KDELR2: variants seen among roughly 807,000 people sequenced by gnomAD.
The protein encoded by KDELR2 is KDEL endoplasmic reticulum protein retention receptor 2.
Under a neutral mutation model 23.9 loss-of-function variants are expected in KDELR2, and 15 were observed. The observed-to-expected ratio is 0.63, with a 90% confidence interval of 0.42 to 0.97. The LOEUF (loss-of-function observed/expected upper bound fraction) is 0.97, where lower values mean the gene tolerates loss of function less well. KDELR2 is among the 50% of genes least tolerant of loss of function. The pLI is 0.00. For synonymous variants in KDELR2, 119 were observed against 106.2 expected, an observed-to-expected ratio of 1.12 and a Z score of -0.74; for missense variants, 272 against 254.6, an observed-to-expected ratio of 1.07 and a Z score of -0.46.
At chr7:6,469,314 G>A (rs1562499486) in intron 3 of KDELR2, among the ~76,000 whole-genome samples, 1 of 151,968 alleles carries the variant, frequency 6.6e-6, no homozygotes, top group Non-Finnish European at 1.5e-5. Context: ...GGAGTACAAT[G>A]GCGTGATCTC....
chr7:6,473,010 C>T (rs779499818), intron 2 of KDELR2, among the ~76,000 whole-genome samples: 30 of 149,002 alleles, frequency 2.0e-4, no homozygotes, highest in East Asian at 1.4e-3. Context: ...AGGGCTCAAG[C>T]GATCCTACCA....
At chr7:6,469,004 T>G (rs1005586969) in intron 3 of KDELR2, among the ~76,000 whole-genome samples, 1 of 149,998 alleles carries the variant, frequency 6.7e-6, no homozygotes, top group East Asian at 2.0e-4. Flanking sequence ...CAGGCTGGAG[T>G]GTAGTGGCAC....
chr7:6,466,439 T>C, intron 3 of KDELR2, 116 bp from the exon 4 acceptor site: 1 of 1,310,744 alleles, frequency 7.6e-7, no homozygotes, highest in South Asian at 1.4e-5. Flanking sequence ...GTGGGGCATG[T>C]CGGCCCAAAA....
At chr7:6,478,857 C>T (rs1245270286) in intron 1 of KDELR2, among the ~76,000 whole-genome samples, 1 of 151,998 alleles carries the variant, frequency 6.6e-6, no homozygotes. Context: ...GGTGCGATCT[C>T]GGCTCACTGC....
chr7:6,469,931 G>T, intron 2 of KDELR2, 177 bp from the exon 3 acceptor site: 1 of 505,372 alleles, frequency 2.0e-6, no homozygotes, highest in South Asian at 3.2e-5. Flanking sequence ...TCAGTTCTGA[G>T]GCATAACCAC....
At chr7:6,472,419 C>T (rs6959558) in intron 2 of KDELR2, among the ~76,000 whole-genome samples, 135,673 of 152,194 alleles carry the variant, frequency 0.89, 60,944 homozygotes, top group Non-Finnish European at 0.92. Context: ...TTCAGGACAT[C>T]GTGCTTAGAA....
chr7:6,482,949 T>C (rs540904922), intron 1 of KDELR2, among the ~76,000 whole-genome samples: 26 of 150,376 alleles, frequency 1.7e-4, no homozygotes, highest in African/African-American at 6.1e-4. Flanking sequence ...GAGGCTGCAG[T>C]GAGCAGTGAT....
rs762794679 is a variant in KDELR2 at position 6,466,338 on chromosome 7, G to A, written c.352-15C>T. 1.9e-6 allele frequency: 3 copies of A among 1,611,308 alleles called. No homozygotes were observed. The highest frequency in any genetic ancestry group is 1.9e-4 in the Middle Eastern group (1 of 5,322). ...GTCCAGAGGATCTGGAAGAGAAATG[G>A]CAAGCTTCCATCACGACCCACTGCC... is the stretch of plus-strand genomic sequence containing the variant. On this transcript the variant is annotated splice_polypyrimidine_tract_variant and intron_variant, in intron 3 of 4. Coordinates refer to ENST00000258739, the MANE Select transcript of KDELR2 (RefSeq NM_006854.4).
intron 1 of KDELR2, among the ~76,000 whole-genome samples, chr7:6,476,910 G>T (rs952673375): frequency 5.3e-5 from 8 of 152,180 alleles, no homozygotes; most frequent in African/African-American, 1.9e-4. Context: ...CTGGGGTCAT[G>T]CCTTATTCCA....
intron 1 of KDELR2, among the ~76,000 whole-genome samples, chr7:6,476,773 G>T (rs1425722594): frequency 1.3e-5 from 2 of 152,098 alleles, no homozygotes; most frequent in East Asian, 3.8e-4. Flanking sequence ...AAGCACATAA[G>T]GGGAACTGCT....
intron 1 of KDELR2, among the ~76,000 whole-genome samples, chr7:6,475,202 G>C (rs912570891): frequency 3.3e-5 from 5 of 152,078 alleles, no homozygotes; most frequent in Non-Finnish European, 7.3e-5. Flanking sequence ...CCACATATAG[G>C]GGGGCTAAGG....
At chr7:6,468,063 C>T (rs940826486) in intron 3 of KDELR2, among the ~76,000 whole-genome samples, 2 of 152,228 alleles carry the variant, frequency 1.3e-5, no homozygotes, top group Non-Finnish European at 2.9e-5. Flanking sequence ...CACACTGGGA[C>T]AGGCAGGGCT....
chr7:6,473,515 T>C, intron 2 of KDELR2, among the ~76,000 whole-genome samples: 1 of 152,142 alleles, frequency 6.6e-6, no homozygotes, highest in East Asian at 1.9e-4. Flanking sequence ...TTTTGTATTT[T>C]AATAGTTATA....
Position 6,462,936 on chromosome 7 carries a change from C to CAATAATAAAA in KDELR2, c.*204_*205insTTTTATTATT. On this transcript the variant is annotated 3_prime_UTR_variant, in exon 5 of 5. Transcript: ENST00000258739. ...CTTTGTGTAAAAAAATCTTTGTACA[C>CAATAATAAAA]AGTAATAAAAAAAGATAAGGCAAGA... The CAATAATAAAA allele has an allele frequency of 6.4e-7, 1 of 1,568,062 alleles. No individual in the cohort carries two copies. Among genetic ancestry groups the CAATAATAAAA allele is most frequent in the Non-Finnish European group, 8.7e-7 (1 of 1,153,722 alleles).
chr7:6,472,431 C>T (rs929448336), intron 2 of KDELR2, among the ~76,000 whole-genome samples: 39 of 152,050 alleles, frequency 2.6e-4, no homozygotes, highest in African/African-American at 9.2e-4. Flanking sequence ...TGCTTAGAAA[C>T]TACAACCAAG....
rs955751153 is a variant in KDELR2 at position 6,461,357 on chromosome 7, G to C, written c.*1784C>G. The C allele has an allele frequency of 2.0e-5, 3 of 151,982 alleles. No homozygotes were observed. Among genetic ancestry groups the C allele is most frequent in the African/African-American group, 7.2e-5 (3 of 41,384 alleles). 9.4% of individuals were successfully genotyped at this position (151,982 alleles called of 1,614,324 possible). A position where few individuals can be genotyped will look rare whatever the true frequency, so the allele number is the denominator to read the frequency against. On this transcript the variant is annotated 3_prime_UTR_variant, in exon 5 of 5. Transcript: ENST00000258739. ...TTTCCATGCGTTGTGCTCTCCAGAG[G>C]ATGCGCCAGGTGTATCAGATTTGCA...
intron 3 of KDELR2, among the ~76,000 whole-genome samples, 184 bp downstream of exon 3, chr7:6,469,412 C>T (rs898611052): frequency 9.9e-5 from 15 of 152,122 alleles, no homozygotes; most frequent in African/African-American, 3.4e-4. Flanking sequence ...CGTGCCACCA[C>T]ACCCAGCTAA....
intron 3 of KDELR2, among the ~76,000 whole-genome samples, chr7:6,467,469 G>A (rs1007745705): frequency 6.6e-6 from 1 of 152,102 alleles, no homozygotes; most frequent in Non-Finnish European, 1.5e-5. Flanking sequence ...TATTTTAAAA[G>A]TCCAGGCATG....
rs1254255451 is a variant in KDELR2, at chr7:6,484,058, GGCGGCGGCGGCGGTGGCGGTCGGCGCAGC to G, written c.-30_-2del. On this transcript the variant is annotated 5_prime_UTR_variant, in exon 1 of 5. Coordinates refer to ENST00000258739, the MANE Select transcript of KDELR2 (RefSeq NM_006854.4). The stretch of plus-strand genomic sequence containing the variant: ...CCCCAGTCAGCCGGAAAATGTTCAT[GGCGGCGGCGGCGGTGGCGGTCGGCGCAGC>G]GCGGCGGCCCCGGGGCTGGGCGGCT... The G allele has an allele frequency of 2.7e-6, 4 of 1,484,994 alleles. No homozygotes were observed. The highest frequency in any genetic ancestry group is 2.1e-5 in the Admixed American group (1 of 46,628). 92.0% of individuals were successfully genotyped at this position (1,484,994 alleles called of 1,614,324 possible).
Sources: gnomAD v4.1 joint callset for allele counts (sites outside exome capture counted in the v4.1 genomes callset) on GRCh38, gnomAD v4.1.1 for gene constraint, MANE v1.5 for transcripts, NCBI Gene and HGNC (gene_info 2026-07-23, HGNC 2026-07-21) for gene names.